OSBPL11: variants seen among roughly 807,000 people sequenced by gnomAD.
The protein encoded by OSBPL11 is oxysterol binding protein like 11.
A neutral mutation model predicts 84.4 loss-of-function variants in OSBPL11; 33 were observed. The observed-to-expected ratio is 0.39, with a 90% CI of 0.30 to 0.52. The LOEUF is 0.52. Ranked by LOEUF, OSBPL11 falls within the 20% of genes least tolerant of loss-of-function variation. The probability of loss-of-function intolerance (pLI) is 0.72; values close to 1 mark genes in which losing one functional copy is unlikely to be tolerated. For missense variants in OSBPL11, 736 were observed against 901.1 expected (o/e 0.82, Z 2.35); for synonymous variants, 276 against 310.2 (o/e 0.89, Z 1.16).
chr3:125,563,163 A>G (rs552362128), intron 7 of OSBPL11, among the ~76,000 whole-genome samples: 57 of 152,314 alleles, frequency 3.7e-4, no homozygotes, highest in African/African-American at 1.3e-3. Context: ...TTACAGTGGT[A>G]GATTATGAAT....
At chr3:125,534,450 A>C (rs1935609146) in intron 11 of OSBPL11, among the ~76,000 whole-genome samples, 1 of 152,012 alleles carries the variant, frequency 6.6e-6, no homozygotes, top group African/African-American at 2.4e-5. Flanking sequence ...ACAAACCTAA[A>C]TAAAGAATTA....
At chr3:125,549,489 A>T (rs1935869258) in intron 9 of OSBPL11, among the ~76,000 whole-genome samples, 1 of 151,982 alleles carries the variant, frequency 6.6e-6, no homozygotes, top group African/African-American at 2.4e-5. Flanking sequence ...TTTTTAAAAA[A>T]TTTTACATTT....
intron 10 of OSBPL11, among the ~76,000 whole-genome samples, chr3:125,543,729 C>T (rs1019492040): frequency 6.6e-5 from 10 of 151,898 alleles, no homozygotes; most frequent in Non-Finnish European, 1.3e-4. Flanking sequence ...GGCGAAACCC[C>T]GTCTCTACTA....
At chr3:125,594,190 G>A (rs778694973) in intron 1 of OSBPL11, among the ~76,000 whole-genome samples, 11 of 152,186 alleles carry the variant, frequency 7.2e-5, no homozygotes, top group Non-Finnish European at 8.8e-5. Flanking sequence ...AATACCTTCA[G>A]GGCAAGAATC....
intron 1 of OSBPL11, among the ~76,000 whole-genome samples, chr3:125,588,879 C>T (rs145223390): frequency 2.7e-3 from 406 of 152,306 alleles, no homozygotes; most frequent in Non-Finnish European, 4.5e-3. Context: ...AAATTCAACT[C>T]GCAGACTGTA....
At chr3:125,543,124 ATTTTTTTT>A (rs60571172) in intron 10 of OSBPL11, among the ~76,000 whole-genome samples, 1 of 99,288 alleles carries the variant, frequency 1.0e-5, no homozygotes, top group Non-Finnish European at 1.9e-5. Context: ...GGCTAGTAAG[ATTTTTTTT>A]TTTTTTTTTT....
At chr3:125,584,435 T>C (rs1371045439) in intron 1 of OSBPL11, among the ~76,000 whole-genome samples, 1 of 152,192 alleles carries the variant, frequency 6.6e-6, no homozygotes, top group African/African-American at 2.4e-5. Flanking sequence ...CTCCATAATC[T>C]GAATATTTGC....
At chr3:125,568,279 A>G (rs564936249) in intron 5 of OSBPL11, among the ~76,000 whole-genome samples, 11 of 151,910 alleles carry the variant, frequency 7.2e-5, no homozygotes, top group African/African-American at 2.2e-4. Flanking sequence ...AAAATACAAA[A>G]AATTAGCCAG....
intron 12 of OSBPL11, among the ~76,000 whole-genome samples, chr3:125,531,418 A>G (rs1008199558): frequency 4.6e-5 from 7 of 151,278 alleles, no homozygotes; most frequent in Non-Finnish European, 8.8e-5. Context: ...CAGCCTCCCG[A>G]GTAGCTGGGA....
chr3:125,560,723 A>C (rs1217514145), intron 7 of OSBPL11, among the ~76,000 whole-genome samples: 1 of 152,202 alleles, frequency 6.6e-6, no homozygotes, highest in Non-Finnish European at 1.5e-5. Flanking sequence ...TGTTGAACAT[A>C]TTGCAGTTTT....
At chr3:125,591,609 C>T (rs948482577) in intron 1 of OSBPL11, among the ~76,000 whole-genome samples, 7 of 152,138 alleles carry the variant, frequency 4.6e-5, no homozygotes, top group African/African-American at 1.4e-4. Flanking sequence ...ATGAATCCTT[C>T]CCAGTTCAGT....
chr3:125,582,799 T>TA, intron 2 of OSBPL11, 111 bp downstream of exon 2: 4 of 824,486 alleles, frequency 4.9e-6, no homozygotes, highest in Non-Finnish European at 7.6e-6. Context: ...AATCCTTCTC[T>TA]AAAAGGTTTC....
At chr3:125,545,267 C>A (rs183499634) in intron 10 of OSBPL11, among the ~76,000 whole-genome samples, 1 of 152,320 alleles carries the variant, frequency 6.6e-6, no homozygotes, top group Admixed American at 6.5e-5. Context: ...GTTTGTCTAT[C>A]TCGAAAAAGT....
chr3:125,589,258 C>T (rs1936561651), intron 1 of OSBPL11, among the ~76,000 whole-genome samples: 1 of 147,980 alleles, frequency 6.8e-6, no homozygotes, highest in African/African-American at 2.5e-5. Flanking sequence ...ACAAGAATCG[C>T]TTGAACCCAG....
chr3:125,541,967 C>T (rs1482850206), intron 10 of OSBPL11, among the ~76,000 whole-genome samples: 4 of 152,212 alleles, frequency 2.6e-5, no homozygotes, highest in Non-Finnish European at 5.9e-5. Flanking sequence ...CCCAATACTT[C>T]TAGGTACAAA....
intron 1 of OSBPL11, among the ~76,000 whole-genome samples, chr3:125,594,120 G>A (rs1408191919): frequency 6.6e-6 from 1 of 152,158 alleles, no homozygotes; most frequent in Non-Finnish European, 1.5e-5. Context: ...GAGGCATTAG[G>A]ATCTCTACCT....
chr3:125,535,752 G>A (rs1935632435), intron 11 of OSBPL11, among the ~76,000 whole-genome samples: 1 of 151,458 alleles, frequency 6.6e-6, no homozygotes, highest in Non-Finnish European at 1.5e-5. Context: ...TGGGATTATA[G>A]GCGTGAGCCA....
chr3:125,561,522 T>C (rs1936078989), intron 7 of OSBPL11, among the ~76,000 whole-genome samples: 1 of 152,228 alleles, frequency 6.6e-6, no homozygotes, highest in African/African-American at 2.4e-5. Context: ...GATTTTTCAT[T>C]TGAAATGCAC....
intron 5 of OSBPL11, among the ~76,000 whole-genome samples, chr3:125,570,949 G>A: frequency 6.6e-6 from 1 of 152,222 alleles, no homozygotes; most frequent in Non-Finnish European, 1.5e-5. Flanking sequence ...TTGGAACTGG[G>A]TAATAGGCAG....
Sources: gnomAD v4.1 joint callset for allele counts (sites outside exome capture counted in the v4.1 genomes callset) on GRCh38, gnomAD v4.1.1 for gene constraint, MANE v1.5 for transcripts, NCBI Gene and HGNC (gene_info 2026-07-23, HGNC 2026-07-21) for gene names.